PPARGC1A: variants seen among roughly 807,000 people sequenced by gnomAD.
PPARGC1A encodes the protein PPARG coactivator 1 alpha.
A neutral mutation model predicts 88.7 loss-of-function variants in PPARGC1A; 25 were observed. That is an observed-to-expected ratio of 0.28 (90% CI 0.21 to 0.39). The LOEUF (loss-of-function observed/expected upper bound fraction) is 0.39. Ranked by LOEUF, PPARGC1A falls within the 10% of genes least tolerant of loss-of-function variation. PPARGC1A has a pLI of 1.00. For missense variants in PPARGC1A, 880 were observed against 968.7 expected (o/e 0.91, Z 1.22); for synonymous variants, 363 against 355.6 (o/e 1.02, Z -0.24).
At chr4:24,323,070 T>C in the PPARGC1A span, among the ~76,000 whole-genome samples, 1 of 152,190 alleles carries the variant, frequency 6.6e-6, no homozygotes, top group Non-Finnish European at 1.5e-5. Context: ...TCTGGGTGGC[T>C]CAACTGCTGG....
chr4:24,419,630 A>C, the PPARGC1A span, among the ~76,000 whole-genome samples: 1 of 151,724 alleles, frequency 6.6e-6, no homozygotes, highest in African/African-American at 2.4e-5. Flanking sequence ...CGGCCAGGTG[A>C]GCTAGGGGCG....
At chr4:23,955,080 A>G in the PPARGC1A span, among the ~76,000 whole-genome samples, 3 of 152,106 alleles carry the variant, frequency 2.0e-5, no homozygotes, top group Non-Finnish European at 4.4e-5. Flanking sequence ...ACTTCAATTG[A>G]AGAGATAACC....
chr4:23,995,784 C>G, the PPARGC1A span, among the ~76,000 whole-genome samples: 35 of 152,132 alleles, frequency 2.3e-4, no homozygotes, highest in Non-Finnish European at 4.9e-4. Flanking sequence ...TCCTTCCTTC[C>G]TCATCCTGAT....
rs1342940754 is a variant in PPARGC1A, at chr4:23,812,533, G to A, written c.2019+214C>T. On this transcript the variant is annotated intron_variant, in intron 10 of 12. Coordinates refer to ENST00000264867, the MANE Select transcript of PPARGC1A (RefSeq NM_013261.5). ...GTAATGAACTTCAAAATGAAACTGT[G>A]AGTGAGAAATATACTGACTTAAACA... is the stretch of plus-strand genomic sequence containing the variant. 2.0e-5 allele frequency among the ~76,000 whole-genome samples: 3 copies of A among 152,262 alleles called. No homozygotes were observed. In the South Asian group the frequency reaches 6.2e-4, roughly 31 times the overall value.
At chr4:24,469,286 A>G in the PPARGC1A span, among the ~76,000 whole-genome samples, 2 of 152,320 alleles carry the variant, frequency 1.3e-5, no homozygotes, top group Middle Eastern at 6.8e-3. Context: ...ACATGTGCCC[A>G]TGCTCAAATG....
the PPARGC1A span, among the ~76,000 whole-genome samples, chr4:24,239,302 C>A: frequency 1.1e-4 from 16 of 152,298 alleles, no homozygotes; most frequent in Non-Finnish European, 1.9e-4. Context: ...AAGAAAACTG[C>A]AAGTGTGCTA....
At chr4:24,259,972 C>T in the PPARGC1A span, among the ~76,000 whole-genome samples, 1 of 152,160 alleles carries the variant, frequency 6.6e-6, no homozygotes, top group Admixed American at 6.5e-5. Context: ...GGTGACCTGG[C>T]TTCTTGGCCA....
the PPARGC1A span, among the ~76,000 whole-genome samples, chr4:24,047,952 G>T: frequency 3.3e-5 from 5 of 152,044 alleles, no homozygotes; most frequent in African/African-American, 1.2e-4. Context: ...GCCTTTTCTG[G>T]TTCAGCACCA....
At chr4:24,058,905 A>G in the PPARGC1A span, among the ~76,000 whole-genome samples, 1 of 152,200 alleles carries the variant, frequency 6.6e-6, no homozygotes, top group Non-Finnish European at 1.5e-5. Flanking sequence ...AGATCATGCC[A>G]TTGCACCCCA....
At chr4:24,285,738 T>G in the PPARGC1A span, among the ~76,000 whole-genome samples, 1 of 152,210 alleles carries the variant, frequency 6.6e-6, no homozygotes, top group Non-Finnish European at 1.5e-5. Flanking sequence ...TATTTCTAAA[T>G]CAGAATCTGT....
chr4:24,294,393 G>T, the PPARGC1A span, among the ~76,000 whole-genome samples: 1 of 151,984 alleles, frequency 6.6e-6, no homozygotes, highest in East Asian at 1.9e-4. Flanking sequence ...TAATTTTTAT[G>T]AGCTTTCCTT....
the PPARGC1A span, among the ~76,000 whole-genome samples, chr4:24,004,861 G>C: frequency 6.6e-6 from 1 of 152,166 alleles, no homozygotes; most frequent in African/African-American, 2.4e-5. Context: ...CTTTATAAAT[G>C]AAAGTCTTAT....
the PPARGC1A span, among the ~76,000 whole-genome samples, chr4:24,149,570 A>G: frequency 6.6e-5 from 10 of 152,160 alleles, no homozygotes; most frequent in East Asian, 1.9e-3. Context: ...TGGGTTTCAT[A>G]TATTTTATAA....
At chr4:24,186,202 G>A in the PPARGC1A span, among the ~76,000 whole-genome samples, 1 of 152,088 alleles carries the variant, frequency 6.6e-6, no homozygotes, top group African/African-American at 2.4e-5. Flanking sequence ...CAGTGACAAA[G>A]AGCAAGAGAG....
chr4:23,915,687 C>T, the PPARGC1A span, among the ~76,000 whole-genome samples: 1 of 152,094 alleles, frequency 6.6e-6, no homozygotes, highest in Non-Finnish European at 1.5e-5. Context: ...TAGATAGTCA[C>T]ACAGAGAGAT....
chr4:23,854,578 T>C (rs1440316963), intron 2 of PPARGC1A, among the ~76,000 whole-genome samples: 2 of 152,058 alleles, frequency 1.3e-5, no homozygotes, highest in Non-Finnish European at 2.9e-5. Context: ...GAAACATAAT[T>C]TGAGAGAAGG....
chr4:24,077,306 T>C, the PPARGC1A span, among the ~76,000 whole-genome samples: 5 of 152,096 alleles, frequency 3.3e-5, no homozygotes, highest in Admixed American at 6.6e-5. Flanking sequence ...TTCTGAGAAA[T>C]TCATAAAGAC....
the PPARGC1A span, among the ~76,000 whole-genome samples, chr4:24,400,203 GTCC>G: frequency 6.6e-6 from 1 of 152,186 alleles, no homozygotes; most frequent in Non-Finnish European, 1.5e-5. Flanking sequence ...CAAAGTATTA[GTCC>G]TGGGTGTGTC....
the PPARGC1A span, among the ~76,000 whole-genome samples, chr4:24,417,100 T>A: frequency 6.7e-6 from 1 of 150,008 alleles, no homozygotes; most frequent in South Asian, 2.1e-4. Context: ...CAGTGACAAC[T>A]GGTAGGAAAG....
Sources: gnomAD v4.1 joint callset for allele counts (sites outside exome capture counted in the v4.1 genomes callset) on GRCh38, gnomAD v4.1.1 for gene constraint, MANE v1.5 for transcripts, NCBI Gene and HGNC (gene_info 2026-07-23, HGNC 2026-07-21) for gene names.